The following BCL2L13 variants were observed in gnomAD, a reference collection of about 807,000 sequenced individuals.
BCL2L13 encodes the protein BCL2 like 13, also known as bcl-2-like protein 13.
Under a neutral mutation model 25.8 loss-of-function variants are expected in BCL2L13, and 13 were observed. The observed-to-expected ratio is 0.50, with a 90% CI of 0.33 to 0.80. BCL2L13 has a LOEUF of 0.80. Ranked by LOEUF, BCL2L13 falls within the 30% of genes least tolerant of loss-of-function variation. The pLI, the probability that BCL2L13 is intolerant of heterozygous loss-of-function variation, is 0.02. For missense variants in BCL2L13, 504 were observed against 574.9 expected (o/e 0.88, Z 1.26); for synonymous variants, 244 against 230.3 (o/e 1.06, Z -0.54).
intron 1 of BCL2L13, among the ~76,000 whole-genome samples, chr22:17,646,356 C>T (rs574440919): frequency 6.6e-6 from 1 of 151,528 alleles, no homozygotes; most frequent in African/African-American, 2.4e-5. Flanking sequence ...AGGCGATTCA[C>T]CTGTCTCAGC....
chr22:17,666,833 A>G (rs1601582170), intron 2 of BCL2L13, among the ~76,000 whole-genome samples: 1 of 151,850 alleles, frequency 6.6e-6, no homozygotes, highest in East Asian at 2.0e-4. Flanking sequence ...GTTTACAGGC[A>G]TGCGCCACCA....
At chr22:17,703,269 T>G (rs1316113320) in intron 6 of BCL2L13, 1 of 152,248 alleles carries the variant, frequency 6.6e-6, no homozygotes, top group Non-Finnish European at 1.5e-5. Context: ...TGCAGAAGTC[T>G]GTACGTGTCC....
chr22:17,671,589 CTTTA>C lies in BCL2L13; in HGVS notation c.122-11613_122-11610del, dbSNP rs576781637. ...TCAAAAAAAAAAAAAAATCTTGCTC[CTTTA>C]TTTATTTATTTTTTTTGTAGAGACA... On this transcript the variant is annotated intron_variant, in intron 2 of 6. Transcript: ENST00000317582. 8.7e-4 allele frequency among the ~76,000 whole-genome samples: 131 copies of C among 151,372 alleles called. 3 individuals carry two copies. In the South Asian group the frequency reaches 0.021, roughly 25 times the overall value.
At chr22:17,649,159 A>T (rs913108878) in intron 1 of BCL2L13, among the ~76,000 whole-genome samples, 1 of 151,384 alleles carries the variant, frequency 6.6e-6, no homozygotes, top group Non-Finnish European at 1.5e-5. Flanking sequence ...GAGTGCAGGT[A>T]TGATTTCGGC....
At chr22:17,629,875 G>A (rs1237714614) in intron 1 of BCL2L13, among the ~76,000 whole-genome samples, 4 of 151,262 alleles carry the variant, frequency 2.6e-5, no homozygotes, top group Admixed American at 2.6e-4. Flanking sequence ...TCATAAGAAC[G>A]AGGATGTAGC....
At chr22:17,662,413 G>A (rs1316372028) in intron 2 of BCL2L13, among the ~76,000 whole-genome samples, 1 of 152,222 alleles carries the variant, frequency 6.6e-6, no homozygotes, top group African/African-American at 2.4e-5. Context: ...GGGAGGCAGA[G>A]GTTGCAGTGA....
intron 2 of BCL2L13, among the ~76,000 whole-genome samples, chr22:17,665,195 T>C (rs1207053417): frequency 6.6e-6 from 1 of 152,182 alleles, no homozygotes; most frequent in Non-Finnish European, 1.5e-5. Flanking sequence ...AGGTTTAAAG[T>C]TCCACAGATC....
chr22:17,722,404 T>TGTGTGTGTGTGTGCGC (rs1569017632), intron 6 of BCL2L13, among the ~76,000 whole-genome samples: 2 of 151,534 alleles, frequency 1.3e-5, no homozygotes, highest in African/African-American at 4.9e-5. Context: ...TGTGTGTGTG[T>TGTGTGTGTGTGTGCGC]GTGTGTGTGT....
At chr22:17,673,599 G>T (rs1046909456) in intron 2 of BCL2L13, among the ~76,000 whole-genome samples, 1 of 149,294 alleles carries the variant, frequency 6.7e-6, no homozygotes, top group Non-Finnish European at 1.5e-5. Context: ...GACTGGTCTC[G>T]ATCTCCTGAC....
rs529074534 is a variant in BCL2L13, at chr22:17,662,233, T to C, written c.121+6401T>C. On this transcript the variant is annotated intron_variant, in intron 2 of 6. Transcript: ENST00000317582. The stretch of plus-strand genomic sequence containing the variant: ...GTGGCTCACGCCTGTAATCCCAGCA[T>C]TTTGGGAGGCCAAGGCGGGCGGATC... Among the ~76,000 whole-genome samples, 343 of 151,884 alleles carry C rather than the reference T, an allele frequency of 2.3e-3. 3 individuals carry two copies. Among genetic ancestry groups the C allele is most frequent in the Middle Eastern group, 0.01 (3 of 290 alleles).
At chr22:17,634,220 C>G (rs181021108), upstream of BCL2L13, among the ~76,000 whole-genome samples, 9 of 152,192 alleles carry the variant, frequency 5.9e-5, no homozygotes, top group East Asian at 1.6e-3. Context: ...GAGTCTCACT[C>G]TGTTGCCCAG....
intron 4 of BCL2L13, chr22:17,695,903 G>T: frequency 2.0e-5 from 7 of 354,296 alleles, no homozygotes; most frequent in Non-Finnish European, 3.2e-5. Flanking sequence ...AAAATTACTA[G>T]AATATACATT....
intron 6 of BCL2L13, chr22:17,706,847 C>T (rs752975437): frequency 2.7e-5 from 37 of 1,350,790 alleles, no homozygotes; most frequent in Middle Eastern, 2.1e-4. Flanking sequence ...ATTTTACTTT[C>T]TCCGTCGTCA....
intron 3 of BCL2L13, chr22:17,684,462 C>T (rs1411925738): frequency 7.3e-6 from 3 of 412,968 alleles, no homozygotes; most frequent in Non-Finnish European, 1.5e-5. Context: ...TAGCCCCAGG[C>T]CCCAACCCCA....
At chr22:17,719,930 G>C (rs2061064594) in intron 6 of BCL2L13, among the ~76,000 whole-genome samples, 1 of 151,892 alleles carries the variant, frequency 6.6e-6, no homozygotes, top group African/African-American at 2.4e-5. Flanking sequence ...GATACAGAAG[G>C]CTATATTGCA....
At chr22:17,641,311 C>T (rs376477098) in intron 1 of BCL2L13, among the ~76,000 whole-genome samples, 1 of 152,156 alleles carries the variant, frequency 6.6e-6, no homozygotes, top group African/African-American at 2.4e-5. Flanking sequence ...GTATCTTATT[C>T]CAAATAAATG....
chr22:17,635,309 G>A (rs1045831756), upstream of BCL2L13, among the ~76,000 whole-genome samples: 3 of 152,008 alleles, frequency 2.0e-5, no homozygotes, highest in Non-Finnish European at 2.9e-5. Flanking sequence ...AGACTCAGGC[G>A]GGCGGATCAC....
intron 4 of BCL2L13, among the ~76,000 whole-genome samples, chr22:17,690,689 A>G (rs1023504253): frequency 3.9e-5 from 6 of 152,154 alleles, no homozygotes; most frequent in Non-Finnish European, 8.8e-5. Context: ...CTTGAGCCCA[A>G]TAGTTTGAGG....
At chr22:17,679,981 G>A (rs2059687240) in intron 2 of BCL2L13, among the ~76,000 whole-genome samples, 1 of 151,762 alleles carries the variant, frequency 6.6e-6, no homozygotes, top group Non-Finnish European at 1.5e-5. Context: ...GGGAGGCTGG[G>A]GCGGGCGGAT....
Sources: gnomAD v4.1 joint callset for allele counts (sites outside exome capture counted in the v4.1 genomes callset) on GRCh38, gnomAD v4.1.1 for gene constraint, MANE v1.5 for transcripts, NCBI Gene and HGNC (gene_info 2026-07-23, HGNC 2026-07-21) for gene names.